Variants in MICU1 observed in about 807,000 individuals in gnomAD.
MICU1 encodes the protein mitochondrial calcium uptake 1.
In MICU1, 45 loss-of-function variants were observed where a neutral mutation model predicts 56.8. The ratio of observed to expected loss-of-function variants is 0.79; its 90% confidence interval spans 0.62 to 1.02. The LOEUF is 1.02. Ranked by LOEUF, MICU1 falls within the 50% of genes least tolerant of loss-of-function variation. MICU1 has a pLI of 0.00. For missense variants in MICU1, 504 were observed against 587.1 expected (o/e 0.86, Z 1.46); for synonymous variants, 186 against 195.1 (o/e 0.95, Z 0.39).
intron 8 of MICU1, among the ~76,000 whole-genome samples, chr10:72,436,746 A>G (rs992994488): frequency 2.0e-5 from 3 of 152,212 alleles, no homozygotes; most frequent in Admixed American, 6.5e-5. Flanking sequence ...AAACCATGGC[A>G]TGAGAACTTC....
chr10:72,426,447 G>C (rs1589207482), intron 8 of MICU1, among the ~76,000 whole-genome samples: 2 of 151,404 alleles, frequency 1.3e-5, no homozygotes, highest in South Asian at 4.2e-4. Flanking sequence ...ACCCAGGCTG[G>C]AGTGCAGTGG....
At chr10:72,495,559 G>A (rs1487708473) in intron 6 of MICU1, among the ~76,000 whole-genome samples, 1 of 151,364 alleles carries the variant, frequency 6.6e-6, no homozygotes, top group African/African-American at 2.4e-5. Flanking sequence ...GGAAGCTGAG[G>A]CAGGAGAATC....
At chr10:72,520,902 T>C (rs569036105) in intron 5 of MICU1, among the ~76,000 whole-genome samples, 2 of 152,230 alleles carry the variant, frequency 1.3e-5, no homozygotes, top group East Asian at 1.9e-4. Context: ...AACTCTACCA[T>C]GTTATTTCTG....
chr10:72,606,168 T>A (rs942268495), intron 1 of MICU1, among the ~76,000 whole-genome samples: 1 of 150,694 alleles, frequency 6.6e-6, no homozygotes, highest in Non-Finnish European at 1.5e-5. Flanking sequence ...AAATGTTACA[T>A]AACTATGTAA....
At chr10:72,590,373 T>C (rs564787674) in intron 1 of MICU1, among the ~76,000 whole-genome samples, 26 of 152,274 alleles carry the variant, frequency 1.7e-4, no homozygotes, top group South Asian at 1.2e-3. Context: ...TATCAACATT[T>C]ATACACTTAA....
chr10:72,514,169 A>C (rs568455189), intron 5 of MICU1, among the ~76,000 whole-genome samples: 6 of 152,208 alleles, frequency 3.9e-5, no homozygotes, highest in Admixed American at 3.9e-4. Context: ...TGTACTTTTC[A>C]GTTCCAGAAC....
In MICU1 at chr10:72,598,646, C is replaced by G. The variant is rs185909678; in HGVS notation, c.-2+27364G>C. 2.0e-5 allele frequency among the ~76,000 whole-genome samples: 3 copies of G among 152,128 alleles called. No homozygotes were observed. The East Asian group carries it at 5.8e-4, about 29-fold the overall frequency. Reference sequence around the variant, plus strand: ...AAAAGAGAATAACCATTAATGTTTTCCTGAGATGCATATAATCACTTACAA... The same window carrying G: ...AAAAGAGAATAACCATTAATGTTTTGCTGAGATGCATATAATCACTTACAA... On this transcript the variant is annotated intron_variant, in intron 1 of 11. Transcript: ENST00000361114.
intron 3 of MICU1, among the ~76,000 whole-genome samples, chr10:72,561,941 A>G (rs1356413870): frequency 6.6e-6 from 1 of 152,192 alleles, no homozygotes; most frequent in Non-Finnish European, 1.5e-5. Context: ...ATCTTGTTGC[A>G]TTATTAGCTA....
intron 4 of MICU1, among the ~76,000 whole-genome samples, chr10:72,534,295 T>C (rs1839569972): frequency 1.3e-5 from 2 of 152,088 alleles, no homozygotes; most frequent in South Asian, 4.1e-4. Context: ...AAAATTTACT[T>C]GGGAATACCT....
Position 72,368,233 on chromosome 10 carries a change from G to C in MICU1, c.1393C>G (p.Gln465Glu), listed in dbSNP as rs1177053848. ...AAAGCGAAGTCCCAGGCAGTTTCCT[G>C]TGCACATTTCCACATGGCCTGCATG... is the stretch of plus-strand genomic sequence containing the variant. Reference protein sequence around the residue: ...RLMQAMWKCAQETAWDFALPK... With the variant: ...RLMQAMWKCAEETAWDFALPK... Residue 465 changes from glutamine to glutamate, a missense_variant, in exon 12 of 12, where the codon CAG (glutamine) becomes GAG (glutamate). Transcript: ENST00000361114. 8 of 1,613,884 alleles carry C rather than the reference G, an allele frequency of 5.0e-6. No homozygotes were observed. The highest frequency in any genetic ancestry group is 6.8e-6 in the Non-Finnish European group (8 of 1,179,856).
chr10:72,423,611 G>A (rs1028073803), intron 8 of MICU1, among the ~76,000 whole-genome samples: 6 of 152,122 alleles, frequency 3.9e-5, no homozygotes, highest in African/African-American at 1.4e-4. Context: ...TCTTGAGTAA[G>A]GTCTAGGAAA....
At chr10:72,456,390 G>A (rs1488078869) in intron 8 of MICU1, among the ~76,000 whole-genome samples, 1 of 152,194 alleles carries the variant, frequency 6.6e-6, no homozygotes, top group African/African-American at 2.4e-5. Flanking sequence ...GTGATGGAAT[G>A]CCACTTCTAA....
At chr10:72,416,639 G>C (rs1863992193) in intron 9 of MICU1, among the ~76,000 whole-genome samples, 1 of 152,166 alleles carries the variant, frequency 6.6e-6, no homozygotes. Context: ...GAAGGCTGTT[G>C]GGGATAGGGC....
intron 5 of MICU1, chr10:72,531,421 A>G (rs1325107521): frequency 6.6e-6 from 1 of 152,172 alleles, no homozygotes; most frequent in African/African-American, 2.4e-5. Context: ...AGAACAAAAG[A>G]GTCATGAAGA....
chr10:72,451,499 G>A (rs116981089), intron 8 of MICU1, among the ~76,000 whole-genome samples: 2,456 of 152,242 alleles, frequency 0.016, 23 homozygotes, highest in Non-Finnish European at 0.025. Flanking sequence ...ACCTTCAAGA[G>A]TATCAGATTT....
At chr10:72,493,196 T>TAC (rs530440558) in intron 6 of MICU1, among the ~76,000 whole-genome samples, 1,715 of 150,900 alleles carry the variant, frequency 0.011, 24 homozygotes, top group South Asian at 0.03. Flanking sequence ...TACATGTGTA[T>TAC]ACACACACAC....
chr10:72,450,776 G>T (rs1038891168), intron 8 of MICU1, among the ~76,000 whole-genome samples: 5 of 146,546 alleles, frequency 3.4e-5, no homozygotes, highest in Non-Finnish European at 6.0e-5. Flanking sequence ...CCAGGCTGGA[G>T]TGCAATGGTG....
At chr10:72,414,122 G>A (rs1408466218) in intron 9 of MICU1, among the ~76,000 whole-genome samples, 1 of 152,124 alleles carries the variant, frequency 6.6e-6, no homozygotes, top group Non-Finnish European at 1.5e-5. Flanking sequence ...TCACTCCTAG[G>A]AATCTTCAAC....
At chr10:72,565,009 G>T (rs567296572) in intron 2 of MICU1, among the ~76,000 whole-genome samples, 1 of 151,988 alleles carries the variant, frequency 6.6e-6, no homozygotes, top group Non-Finnish European at 1.5e-5. Flanking sequence ...GGCTGGGCAT[G>T]GTGGCTCATG....
Sources: gnomAD v4.1 joint callset for allele counts (sites outside exome capture counted in the v4.1 genomes callset) on GRCh38, gnomAD v4.1.1 for gene constraint, MANE v1.5 for transcripts, NCBI Gene and HGNC (gene_info 2026-07-23, HGNC 2026-07-21) for gene names.